The following QTGAL variants were observed in gnomAD, a reference collection of about 807,000 sequenced individuals.
QTGAL encodes BGnT-like protein 1.
At chr17:82,990,899 G>T in the QTGAL span, among the ~76,000 whole-genome samples, 1 of 152,118 alleles carries the variant, frequency 6.6e-6, no homozygotes, top group South Asian at 2.1e-4. Flanking sequence ...GAAAAGGTGG[G>T]TGTCTGCAAG....
chr17:82,974,728 G>C, the QTGAL span, among the ~76,000 whole-genome samples: 2 of 152,200 alleles, frequency 1.3e-5, no homozygotes, highest in African/African-American at 4.8e-5. Flanking sequence ...TTCCCTTCCA[G>C]TCTGAACTGG....
At chr17:82,973,460 C>T in the QTGAL span, among the ~76,000 whole-genome samples, 5 of 152,170 alleles carry the variant, frequency 3.3e-5, no homozygotes, top group African/African-American at 4.8e-5. Flanking sequence ...ACGGTCTTCC[C>T]GGGGAGCAGC....
At chr17:82,971,075 C>T in the QTGAL span, among the ~76,000 whole-genome samples, 1 of 152,182 alleles carries the variant, frequency 6.6e-6, no homozygotes, top group African/African-American at 2.4e-5. Context: ...TTCATCCGTG[C>T]ACAAGGGGTC....
the QTGAL span, among the ~76,000 whole-genome samples, chr17:82,959,994 G>A: frequency 6.6e-6 from 1 of 152,172 alleles, no homozygotes; most frequent in Middle Eastern, 3.2e-3. Context: ...ACCGGGAAAG[G>A]TGGAAACCCA....
the QTGAL span, among the ~76,000 whole-genome samples, chr17:83,016,649 G>A: frequency 8.4e-5 from 12 of 143,512 alleles, no homozygotes; most frequent in Non-Finnish European, 1.4e-4. Context: ...GAAGGAGGGA[G>A]GAGGCAGGTG....
the QTGAL span, among the ~76,000 whole-genome samples, chr17:82,966,083 CTTTTTT>C: frequency 7.1e-6 from 1 of 141,146 alleles, no homozygotes; most frequent in East Asian, 2.1e-4. Context: ...CTGATTTTTA[CTTTTTT>C]TTTTTTTTTG....
chr17:82,993,354 T>A, the QTGAL span, among the ~76,000 whole-genome samples: 6 of 151,860 alleles, frequency 4.0e-5, no homozygotes, highest in Non-Finnish European at 5.9e-5. Context: ...TGAAATAGAT[T>A]TAAAGAAAAA....
the QTGAL span, among the ~76,000 whole-genome samples, chr17:82,979,952 G>A: frequency 0.014 from 2,082 of 152,284 alleles, 20 homozygotes; most frequent in South Asian, 0.037. Context: ...TTTTTGACAA[G>A]GCCCAGAAGC....
At chr17:83,010,033 G>C in the QTGAL span, among the ~76,000 whole-genome samples, 1 of 122,554 alleles carries the variant, frequency 8.2e-6, no homozygotes, top group Non-Finnish European at 1.8e-5. Flanking sequence ...GGTGTGGGGG[G>C]GCTGCCCGGC....
chr17:83,014,657 C>A, the QTGAL span: 3 of 904,322 alleles, frequency 3.3e-6, no homozygotes, highest in Non-Finnish European at 5.1e-6. Context: ...CCGGCTTCAA[C>A]TGATCCTCTC....
chr17:83,002,961 C>T, the QTGAL span, among the ~76,000 whole-genome samples: 566 of 6,858 alleles, frequency 0.083, 44 homozygotes, highest in South Asian at 0.17. Context: ...TCCCACTCTC[C>T]GCAGTCCGCG....
the QTGAL span, among the ~76,000 whole-genome samples, chr17:82,976,350 C>T: frequency 9.9e-3 from 701 of 70,832 alleles, 53 homozygotes; most frequent in Non-Finnish European, 0.014. Flanking sequence ...GGGACAGAGC[C>T]GGACTCCATC....
chr17:82,946,326 C>G, the QTGAL span, among the ~76,000 whole-genome samples: 1 of 152,138 alleles, frequency 6.6e-6, no homozygotes, highest in South Asian at 2.1e-4. Flanking sequence ...TAAAGGAAGG[C>G]AAATAGTGTT....
At chr17:82,961,086 G>A in the QTGAL span, 11 of 1,610,424 alleles carry the variant, frequency 6.8e-6, no homozygotes, top group Admixed American at 5.0e-5. Context: ...CCGCCTGTGG[G>A]TGGTGGCGAT....
chr17:82,991,521 G>A, the QTGAL span, among the ~76,000 whole-genome samples: 2 of 152,202 alleles, frequency 1.3e-5, no homozygotes, highest in Admixed American at 6.5e-5. Flanking sequence ...CAAGTGGAAT[G>A]CAGATGCAGC....
the QTGAL span, among the ~76,000 whole-genome samples, chr17:82,951,390 C>G: frequency 8.5e-5 from 13 of 152,198 alleles, no homozygotes; most frequent in Non-Finnish European, 4.4e-5. Flanking sequence ...ATGTTCACAG[C>G]TTCCTCACAT....
chr17:82,952,310 ACCC>A, the QTGAL span, among the ~76,000 whole-genome samples: 1 of 151,094 alleles, frequency 6.6e-6, no homozygotes, highest in Non-Finnish European at 1.5e-5. Flanking sequence ...GTCCCCCACA[ACCC>A]CCCAACAGTA....
At chr17:82,956,610 C>T in the QTGAL span, 1 of 1,388,788 alleles carries the variant, frequency 7.2e-7, no homozygotes. The surrounding 1 kb of genome is among the most constrained non-coding windows in gnomAD (Gnocchi z 5.7). Context: ...CCAGGCCACA[C>T]AGTCATTGCA....
At chr17:83,031,063 G>GC in the QTGAL span, among the ~76,000 whole-genome samples, 1 of 152,228 alleles carries the variant, frequency 6.6e-6, no homozygotes, top group Non-Finnish European at 1.5e-5. Context: ...TAATGAATGA[G>GC]CTATTTAGAG....
Sources: allele counts gnomAD v4.1 joint callset (sites outside exome capture counted in the v4.1 genomes callset), GRCh38; gene constraint gnomAD v4.1.1; non-coding constraint Gnocchi (gnomAD v3.1); transcripts MANE v1.5; gene names NCBI Gene and HGNC (gene_info 2026-07-23, HGNC 2026-07-21).